Variants in ITPR2 observed in about 807,000 individuals in gnomAD.
ITPR2 encodes the protein inositol 1,4,5-trisphosphate-gated calcium channel ITPR2.
Under a neutral mutation model 317.1 loss-of-function variants are expected in ITPR2, and 207 were observed. The ratio of observed to expected loss-of-function variants is 0.65; its 90% CI spans 0.58 to 0.73. The LOEUF (loss-of-function observed/expected upper bound fraction) is 0.73. Among genes scored for constraint, ITPR2 ranks in the 30% least tolerant of loss-of-function variants. ITPR2 has a pLI of 0.00. For missense variants in ITPR2, 2,613 were observed against 3,284.0 expected, an observed-to-expected ratio of 0.80 and a Z score of 4.99; for synonymous variants, 1,156 against 1,149.1, an observed-to-expected ratio of 1.01 and a Z score of -0.12.
intron 52 of ITPR2, among the ~76,000 whole-genome samples, chr12:26,407,685 A>G (rs944425158): frequency 2.6e-5 from 4 of 152,228 alleles, no homozygotes; most frequent in African/African-American, 9.6e-5. Flanking sequence ...TTAGGAGGCA[A>G]TAAGACAGAA....
chr12:26,704,520 C>T (rs1034027715), intron 9 of ITPR2, among the ~76,000 whole-genome samples: 3 of 152,128 alleles, frequency 2.0e-5, no homozygotes, highest in Non-Finnish European at 2.9e-5. Context: ...GTAATCTTTT[C>T]CAGATAAACA....
chr12:26,579,621 G>A (rs1241208823), intron 33 of ITPR2, among the ~76,000 whole-genome samples: 3 of 151,994 alleles, frequency 2.0e-5, no homozygotes, highest in African/African-American at 7.2e-5. Context: ...TTTTAAGGAT[G>A]TTTAATTGAT....
intron 3 of ITPR2, among the ~76,000 whole-genome samples, chr12:26,724,985 C>T (rs1948896400): frequency 6.6e-6 from 1 of 152,012 alleles, no homozygotes; most frequent in South Asian, 2.1e-4. Context: ...GTGGATGACT[C>T]CCCAAAGGGA....
intron 21 of ITPR2, among the ~76,000 whole-genome samples, chr12:26,637,393 ATTATC>A (rs747890100): frequency 6.6e-5 from 10 of 152,142 alleles, no homozygotes; most frequent in African/African-American, 9.7e-5. Flanking sequence ...TAACTGGGAA[ATTATC>A]TTAGAGTGAG....
chr12:26,403,390 CTA>C (rs1940243275), intron 52 of ITPR2, among the ~76,000 whole-genome samples: 1 of 152,142 alleles, frequency 6.6e-6, no homozygotes, highest in Non-Finnish European at 1.5e-5. Flanking sequence ...GGTAAGTTGG[CTA>C]TCCAGCCAGT....
chr12:26,660,347 T>G (rs1214337700), intron 15 of ITPR2, among the ~76,000 whole-genome samples: 1 of 152,218 alleles, frequency 6.6e-6, no homozygotes, highest in African/African-American at 2.4e-5. Context: ...CTAATTTTCC[T>G]ATATCCCAAA....
At chr12:26,773,719 C>G (rs1283303192) in intron 2 of ITPR2, among the ~76,000 whole-genome samples, 1 of 152,208 alleles carries the variant, frequency 6.6e-6, no homozygotes, top group African/African-American at 2.4e-5. Context: ...CTTCCCAATA[C>G]AGAGGCTCAA....
At chr12:26,582,266 A>C (rs1945422067) in intron 32 of ITPR2, among the ~76,000 whole-genome samples, 1 of 152,100 alleles carries the variant, frequency 6.6e-6, no homozygotes, top group African/African-American at 2.4e-5. Context: ...ATCCTCATAC[A>C]TATGAATATT....
chr12:26,516,265 A>AGGAAGGGAAAGGAAG (rs1565574476), intron 37 of ITPR2, among the ~76,000 whole-genome samples: 433 of 34,416 alleles, frequency 0.013, 24 homozygotes, highest in Non-Finnish European at 0.023. Context: ...AGGAAAGGAA[A>AGGAAGGGAAAGGAAG]GGAAAGGAAG....
chr12:26,560,412 C>T (rs1944782830), intron 35 of ITPR2, among the ~76,000 whole-genome samples: 1 of 152,134 alleles, frequency 6.6e-6, no homozygotes, highest in Admixed American at 6.6e-5. Context: ...GCCTGCTACC[C>T]TAGTTCACTG....
At chr12:26,352,065 T>G (rs1431117514) in intron 55 of ITPR2, among the ~76,000 whole-genome samples, 2 of 152,184 alleles carry the variant, frequency 1.3e-5, no homozygotes, top group Non-Finnish European at 2.9e-5. Context: ...CCTTCCTGTA[T>G]CTGAGGAAAT....
At chr12:26,819,764 T>A (rs1950911521) in intron 1 of ITPR2, among the ~76,000 whole-genome samples, 1 of 148,398 alleles carries the variant, frequency 6.7e-6, no homozygotes, top group Admixed American at 6.7e-5. Flanking sequence ...ATGCAAATCA[T>A]TAAAAAAAAA....
intron 37 of ITPR2, among the ~76,000 whole-genome samples, chr12:26,529,662 A>G (rs1166028104): frequency 3.9e-5 from 6 of 152,190 alleles, no homozygotes; most frequent in Non-Finnish European, 2.9e-5. Flanking sequence ...ACCTGGAACA[A>G]GTAAAATAAC....
At chr12:26,750,309 A>C (rs1022807269) in intron 2 of ITPR2, among the ~76,000 whole-genome samples, 6 of 152,162 alleles carry the variant, frequency 3.9e-5, no homozygotes, top group African/African-American at 1.2e-4. Context: ...CTGTGGATTA[A>C]TAGTGACCTC....
At chr12:26,672,892 C>T (rs1215772239) in intron 13 of ITPR2, among the ~76,000 whole-genome samples, 2 of 152,192 alleles carry the variant, frequency 1.3e-5, no homozygotes, top group Non-Finnish European at 2.9e-5. Flanking sequence ...CACAGAAATA[C>T]AAACTACCAT....
At chr12:26,586,177 C>T (rs1945521729) in intron 32 of ITPR2, among the ~76,000 whole-genome samples, 1 of 152,284 alleles carries the variant, frequency 6.6e-6, no homozygotes, top group African/African-American at 2.4e-5. Context: ...CAGGGTCTTG[C>T]TCTGTTGCCC....
Position 26,338,733 on chromosome 12 carries a change from C to G in ITPR2, c.*664G>C, listed in dbSNP as rs1395133927. The G allele has an allele frequency of 6.6e-6, 1 of 152,120 alleles. No individual in the cohort carries two copies. The highest frequency in any genetic ancestry group is 1.5e-5 in the Non-Finnish European group (1 of 68,016). 9.4% of individuals were successfully genotyped at this position (152,120 alleles called of 1,614,324 possible). On this transcript the variant is annotated 3_prime_UTR_variant, in exon 57 of 57. Coordinates refer to ENST00000381340, the MANE Select transcript of ITPR2 (RefSeq NM_002223.4). ...CCTTTTGTGCTCCACATTGACAGAG[C>G]CTGTCTGAATCCCAGAGAAGGCAAT... is the stretch of plus-strand genomic sequence containing the variant.
intron 55 of ITPR2, among the ~76,000 whole-genome samples, chr12:26,372,193 T>C (rs1385153899): frequency 6.6e-6 from 1 of 152,214 alleles, no homozygotes; most frequent in Non-Finnish European, 1.5e-5. Context: ...GACCATATAT[T>C]ATTATTTCTC....
intron 48 of ITPR2, among the ~76,000 whole-genome samples, chr12:26,429,361 A>T (rs1453673138): frequency 6.6e-6 from 1 of 152,210 alleles, no homozygotes; most frequent in Non-Finnish European, 1.5e-5. Context: ...ATAATCTGAT[A>T]AGATTAATTT....
Sources: gnomAD v4.1 joint callset for allele counts (sites outside exome capture counted in the v4.1 genomes callset) on GRCh38, gnomAD v4.1.1 for gene constraint, MANE v1.5 for transcripts, NCBI Gene and HGNC (gene_info 2026-07-23, HGNC 2026-07-21) for gene names.